Variants in OPA3 observed in about 807,000 individuals in gnomAD.
The protein encoded by OPA3 is outer mitochondrial membrane lipid metabolism regulator OPA3, also known as optic atrophy 3 protein.
OPA3 carries 6 observed loss-of-function variants against 4.0 expected under a neutral mutation model. That is an observed-to-expected ratio of 1.51 (90% CI 0.83 to 2.99). OPA3 has a LOEUF of 2.99. Ranked by LOEUF, OPA3 falls within the 30% of genes most tolerant of loss-of-function variation. The pLI, the probability that OPA3 is intolerant of heterozygous loss-of-function variation, is 0.00. For synonymous variants in OPA3, 105 were observed against 117.1 expected (o/e 0.90, Z 0.67); for missense variants, 235 against 256.2 (o/e 0.92, Z 0.56).
downstream of OPA3, among the ~76,000 whole-genome samples, chr19:45,545,190 AAAAT>A (rs1434799969): frequency 6.8e-6 from 1 of 146,996 alleles, no homozygotes; most frequent in Non-Finnish European, 1.5e-5. Context: ...AAAAAAACAA[AAAAT>A]AGGAAATCAA....
At chr19:45,543,320 TTTTAA>T (rs1448851754), downstream of OPA3, among the ~76,000 whole-genome samples, 1 of 150,956 alleles carries the variant, frequency 6.6e-6, no homozygotes, top group Non-Finnish European at 1.5e-5. Flanking sequence ...CTATTTTTAT[TTTTAA>T]TTTTTTTTTT....
At chr19:45,554,569 G>A (rs1969392822) in intron 1 of OPA3, among the ~76,000 whole-genome samples, 1 of 152,134 alleles carries the variant, frequency 6.6e-6, no homozygotes, top group South Asian at 2.1e-4. Flanking sequence ...TCCTTGCCTA[G>A]CTGCTTCTTT....
At chr19:45,530,927 CTTTTTTTTTTTTTTTTTTTT>C (rs71173176) in intron 1 of OPA3, among the ~76,000 whole-genome samples, 1,254 of 35,598 alleles carry the variant, frequency 0.035, 82 homozygotes, top group African/African-American at 0.12. Flanking sequence ...ATGTCACCTA[CTTTTTTTTTTTTTTTTTTTT>C]TTTTTTTTTT....
chr19:45,553,473 A>T lies in OPA3; in HGVS notation c.*41T>A, dbSNP rs757882898. The T allele has an allele frequency of 5.0e-6, 8 of 1,610,410 alleles. No individual in the cohort carries two copies. The African/African-American group carries it at 9.3e-5, about 19-fold the overall frequency. On this transcript the variant is annotated 3_prime_UTR_variant, in exon 2 of 2. Coordinates refer to ENST00000263275, the MANE Select transcript of OPA3 (RefSeq NM_025136.4). ...GTGCGGGAAGAAGGCCACGTTAGGT[A>T]CATAGGCCATGTCCAAATTCAGGTT...
chr19:45,569,655 G>A (rs1374222383), intron 1 of OPA3, among the ~76,000 whole-genome samples: 1 of 152,108 alleles, frequency 6.6e-6, no homozygotes, highest in African/African-American at 2.4e-5. Context: ...AGTGAGGGGA[G>A]TTTCCTGGGG....
chr19:45,529,547 T>C, intron 1 of OPA3: 7 of 1,474,366 alleles, frequency 4.7e-6, no homozygotes, highest in Non-Finnish European at 6.6e-6. Context: ...GTTGTAGCAA[T>C]GGGGATGTGG....
chr19:45,560,924 A>AT, intron 1 of OPA3, among the ~76,000 whole-genome samples: 1 of 152,242 alleles, frequency 6.6e-6, no homozygotes, highest in East Asian at 1.9e-4. Context: ...ATTGTTCAAG[A>AT]TTTTTCTGAG....
chr19:45,537,155 C>T (rs139179744), intron 1 of OPA3, among the ~76,000 whole-genome samples: 286 of 152,104 alleles, frequency 1.9e-3, no homozygotes, highest in African/African-American at 5.5e-3. Flanking sequence ...GATGGGGTTT[C>T]GCCATGTTGG....
chr19:45,572,500 GAT>G (rs1453359562), intron 1 of OPA3, among the ~76,000 whole-genome samples: 5 of 111,978 alleles, frequency 4.5e-5, no homozygotes, highest in Non-Finnish European at 5.8e-5. Flanking sequence ...AGATATATGA[GAT>G]ATATATCATA....
At chr19:45,584,563 A>C in intron 1 of OPA3, 60 bp downstream of exon 1, 1 of 1,613,296 alleles carries the variant, frequency 6.2e-7, no homozygotes, top group South Asian at 1.1e-5. Flanking sequence ...TCCCCTAAGC[A>C]ACCACCTGAC....
At chr19:45,572,355 T>C (rs1272173733) in intron 1 of OPA3, among the ~76,000 whole-genome samples, 2 of 136,802 alleles carry the variant, frequency 1.5e-5, no homozygotes, top group Non-Finnish European at 3.1e-5. Context: ...TATATCGACA[T>C]ATATGAGATA....
At chr19:45,572,703 T>A (rs910205193) in intron 1 of OPA3, among the ~76,000 whole-genome samples, 142 of 140,136 alleles carry the variant, frequency 1.0e-3, no homozygotes, top group African/African-American at 3.7e-3. Flanking sequence ...ACTATATATA[T>A]GATATATCTC....
intron 1 of OPA3, among the ~76,000 whole-genome samples, chr19:45,565,523 G>A (rs1462109819): frequency 2.0e-5 from 3 of 151,168 alleles, no homozygotes; most frequent in Admixed American, 6.6e-5. Flanking sequence ...CCAGCTACCC[G>A]GGAGGCTGAT....
chr19:45,573,894 G>A (rs546453738), intron 1 of OPA3, among the ~76,000 whole-genome samples: 8 of 152,214 alleles, frequency 5.3e-5, no homozygotes, highest in Non-Finnish European at 7.3e-5. Context: ...TGGGTGCGGT[G>A]GCTCACGCCT....
At chr19:45,567,616 C>CTG (rs1437551531) in intron 1 of OPA3, among the ~76,000 whole-genome samples, 1 of 152,082 alleles carries the variant, frequency 6.6e-6, no homozygotes. Context: ...ACTCATTGAA[C>CTG]TGTAGCCTTT....
intron 1 of OPA3, 102 bp downstream of exon 1, chr19:45,584,521 T>G: frequency 1.2e-6 from 2 of 1,601,338 alleles, no homozygotes; most frequent in Non-Finnish European, 1.7e-6. Flanking sequence ...CTTTGCCGGT[T>G]CGGGCTGTGA....
chr19:45,573,825 CTT>C (rs1969724496), intron 1 of OPA3, among the ~76,000 whole-genome samples: 1 of 152,190 alleles, frequency 6.6e-6, no homozygotes, highest in Admixed American at 6.5e-5. Context: ...TGCACGAAGT[CTT>C]TATCTAGAAG....
intron 1 of OPA3, among the ~76,000 whole-genome samples, chr19:45,540,247 G>A (rs1969168899): frequency 6.6e-6 from 1 of 151,902 alleles, no homozygotes; most frequent in South Asian, 2.1e-4. Flanking sequence ...AACCCAGGAG[G>A]CAGAAATTGC....
At chr19:45,540,317 AAAAAAAAT>A (rs569609243) in intron 1 of OPA3, among the ~76,000 whole-genome samples, 2 of 146,126 alleles carry the variant, frequency 1.4e-5, no homozygotes, top group East Asian at 4.1e-4. Context: ...ACTCTGTCTC[AAAAAAAAT>A]AAAAAATAAA....
Sources: gnomAD v4.1 joint callset for allele counts (sites outside exome capture counted in the v4.1 genomes callset) on GRCh38, gnomAD v4.1.1 for gene constraint, MANE v1.5 for transcripts, NCBI Gene and HGNC (gene_info 2026-07-23, HGNC 2026-07-21) for gene names.